The following FAM81A variants were observed in gnomAD, a reference collection of about 807,000 sequenced individuals.
FAM81A encodes the protein family with sequence similarity 81 member A.
A neutral mutation model predicts 46.7 loss-of-function variants in FAM81A; 19 were observed. The ratio of observed to expected loss-of-function variants is 0.41; its 90% CI spans 0.28 to 0.60. The LOEUF is 0.60. Ranked by LOEUF, FAM81A falls within the 20% of genes least tolerant of loss-of-function variation. The pLI is 0.34. For synonymous variants in FAM81A, 183 were observed against 152.9 expected (o/e 1.20, Z -1.45); for missense variants, 377 against 453.5 (o/e 0.83, Z 1.53).
Position 59,514,274 on chromosome 15 carries a change from A to ATTTT in FAM81A, c.651-6_651-3dup. ...TAAACTGTTTTACATCTAACTTGCA[A>ATTTT]TTTTTTTTTTTTAGATTTAAAGGTA... is the stretch of plus-strand genomic sequence containing the variant. On this transcript the variant is annotated splice_polypyrimidine_tract_variant and intron_variant, in intron 6 of 8. Transcript: ENST00000288228. 2 of 1,143,942 alleles carry ATTTT rather than the reference A, an allele frequency of 1.7e-6. No individual in the cohort carries two copies. Among genetic ancestry groups the ATTTT allele is most frequent in the South Asian group, 1.6e-5 (1 of 61,304 alleles). The allele number at this position is 1,143,942 out of a possible 1,614,324, so 70.9% of individuals were successfully genotyped here.
chr15:59,491,391 A>G (rs1416985306), intron 3 of FAM81A, among the ~76,000 whole-genome samples: 3 of 152,078 alleles, frequency 2.0e-5, no homozygotes, highest in Non-Finnish European at 4.4e-5. Context: ...ACGGAGATAG[A>G]GAGTAGAATG....
At chr15:59,516,925 G>A (rs2082273792) in intron 8 of FAM81A, 85 bp downstream of exon 8, 2 of 1,264,194 alleles carry the variant, frequency 1.6e-6, no homozygotes, top group African/African-American at 1.5e-5. Flanking sequence ...AACTACCTAT[G>A]AACCTGGCTA....
At chr15:59,398,212 C>T (rs1387634724) in intron 1 of FAM81A, among the ~76,000 whole-genome samples, 3 of 152,172 alleles carry the variant, frequency 2.0e-5, no homozygotes, top group African/African-American at 7.2e-5. Flanking sequence ...GAGCCATCTG[C>T]ATAAGAAGAA....
chr15:59,475,519 T>A lies in FAM81A; in HGVS notation c.294+15313T>A, dbSNP rs185037434. Among the ~76,000 whole-genome samples, 370 of 152,342 alleles carry A rather than the reference T, an allele frequency of 2.4e-3. 2 individuals carry two copies. The highest frequency in any genetic ancestry group is 8.7e-3 in the African/African-American group (363 of 41,570). On this transcript the variant is annotated intron_variant, in intron 3 of 8. Transcript: ENST00000288228. The stretch of plus-strand genomic sequence containing the variant: ...GAAAGTAATTTCAATTTTGCTGTTT[T>A]CCCAACGTCCGAAACACATTTTATG...
intron 8 of FAM81A, among the ~76,000 whole-genome samples, chr15:59,517,362 A>T (rs1330046653): frequency 6.6e-6 from 1 of 152,210 alleles, no homozygotes; most frequent in Non-Finnish European, 1.5e-5. Context: ...TGAACTCAGG[A>T]ATACAGAACT....
intron 1 of FAM81A, chr15:59,446,569 C>G (rs1383595529): frequency 6.6e-6 from 1 of 152,210 alleles, no homozygotes; most frequent in Non-Finnish European, 1.5e-5. Context: ...CAACAGAATT[C>G]CCTTTATGAA....
intron 2 of FAM81A, among the ~76,000 whole-genome samples, chr15:59,427,616 T>C (rs1224617036): frequency 6.6e-6 from 1 of 152,188 alleles, no homozygotes; most frequent in African/African-American, 2.4e-5. Flanking sequence ...AGTTCAATTG[T>C]TTTAATTTTT....
At chr15:59,481,984 C>G (rs1221242174) in intron 3 of FAM81A, among the ~76,000 whole-genome samples, 1 of 151,816 alleles carries the variant, frequency 6.6e-6, no homozygotes, top group African/African-American at 2.4e-5. Context: ...TTTTTTAGAG[C>G]ATTTTTTGGT....
At chr15:59,400,232 C>T (rs779479272) in intron 1 of FAM81A, among the ~76,000 whole-genome samples, 2 of 151,572 alleles carry the variant, frequency 1.3e-5, no homozygotes, top group East Asian at 1.9e-4. Flanking sequence ...CGTCTGCACA[C>T]GTCCCAATAC....
At chr15:59,494,920 A>G (rs2082018320) in intron 4 of FAM81A, among the ~76,000 whole-genome samples, 1 of 152,160 alleles carries the variant, frequency 6.6e-6, no homozygotes, top group Admixed American at 6.5e-5. Flanking sequence ...AGTTCTCCAT[A>G]AAGATGAGAT....
At chr15:59,449,543 A>G (rs1428596115) in intron 1 of FAM81A, among the ~76,000 whole-genome samples, 2 of 152,158 alleles carry the variant, frequency 1.3e-5, no homozygotes, top group Non-Finnish European at 2.9e-5. Flanking sequence ...GCACTTTGGG[A>G]GGCCAAGGCG....
intron 2 of FAM81A, among the ~76,000 whole-genome samples, chr15:59,426,222 G>T (rs1163403172): frequency 4.0e-5 from 6 of 151,840 alleles, no homozygotes; most frequent in African/African-American, 1.5e-4. Context: ...ATAACCAGAA[G>T]AATTTCAAAA....
chr15:59,455,147 T>C (rs540199087), intron 1 of FAM81A, among the ~76,000 whole-genome samples: 1 of 151,856 alleles, frequency 6.6e-6, no homozygotes, highest in African/African-American at 2.4e-5. Flanking sequence ...GCCATCCACT[T>C]ACCTCAACCT....
rs1461957094 is a variant in FAM81A at position 59,521,404 on chromosome 15, G to C, written c.*26G>C. ...AGGGAGCTGGGACAAGGTCCTAAAA[G>C]ACAGTTTTGCCAGTGGGGCTAGGAG... On this transcript the variant is annotated 3_prime_UTR_variant, in exon 9 of 9. Coordinates refer to ENST00000288228, the MANE Select transcript of FAM81A (RefSeq NM_152450.3). The C allele has an allele frequency of 1.3e-6, 2 of 1,580,070 alleles. No individual in the cohort carries two copies. Among genetic ancestry groups the C allele is most frequent in the Non-Finnish European group, 1.7e-6 (2 of 1,162,590 alleles).
Position 59,522,233 on chromosome 15 carries a change from T to C in FAM81A, c.*855T>C, listed in dbSNP as rs1229833547. ...CAGACTTTATGATCTGTTTCCAAAA[T>C]TGGCACAAAGTGCTAGGGTTTATAT... On this transcript the variant is annotated 3_prime_UTR_variant, in exon 9 of 9. Transcript: ENST00000288228. 5.2e-5 allele frequency: 8 copies of C among 152,668 alleles called. No homozygotes were observed. The highest frequency in any genetic ancestry group is 7.3e-5 in the Non-Finnish European group (5 of 68,038). 9.5% of individuals were successfully genotyped at this position (152,668 alleles called of 1,614,324 possible). A position where few individuals can be genotyped will look rare whatever the true frequency, so the allele number is the denominator to read the frequency against.
chr15:59,440,847 T>C (rs2081289837), intron 1 of FAM81A, among the ~76,000 whole-genome samples: 1 of 152,216 alleles, frequency 6.6e-6, no homozygotes, highest in African/African-American at 2.4e-5. Context: ...TTTCAATGTG[T>C]TGGGCTTCTT....
At chr15:59,499,859 A>ATTTTTT (rs746846741) in intron 4 of FAM81A, among the ~76,000 whole-genome samples, 3 of 134,522 alleles carry the variant, frequency 2.2e-5, no homozygotes, top group African/African-American at 8.3e-5. Flanking sequence ...TTTCATTTTC[A>ATTTTTT]TTTTTTTTTT....
chr15:59,434,405 T>A (rs2081234228), upstream of FAM81A, among the ~76,000 whole-genome samples: 1 of 152,234 alleles, frequency 6.6e-6, no homozygotes, highest in Non-Finnish European at 1.5e-5. Flanking sequence ...CCTACACCTT[T>A]CTTGCATTTC....
At chr15:59,500,546 C>G (rs539894368) in intron 4 of FAM81A, among the ~76,000 whole-genome samples, 1 of 152,226 alleles carries the variant, frequency 6.6e-6, no homozygotes, top group African/African-American at 2.4e-5. Flanking sequence ...AAGCAATTCT[C>G]CTGCCTCAGC....
Sources: gnomAD v4.1 joint callset for allele counts (sites outside exome capture counted in the v4.1 genomes callset) on GRCh38, gnomAD v4.1.1 for gene constraint, MANE v1.5 for transcripts, NCBI Gene and HGNC (gene_info 2026-07-23, HGNC 2026-07-21) for gene names.